The following DPP10 variants were observed in gnomAD, a reference collection of about 807,000 sequenced individuals.
DPP10 encodes inactive dipeptidyl peptidase 10.
Under a neutral mutation model 120.9 loss-of-function variants are expected in DPP10, and 33 were observed. That is an observed-to-expected ratio of 0.27 (90% CI 0.21 to 0.37). The LOEUF is 0.37. Ranked by LOEUF, DPP10 falls within the 10% of genes least tolerant of loss-of-function variation. DPP10 has a pLI of 1.00. For missense variants in DPP10, 816 were observed against 942.8 expected (o/e 0.87, Z 1.76); for synonymous variants, 337 against 326.1 (o/e 1.03, Z -0.36).
chr2:114,650,306 G>T (rs749227825), intron 1 of DPP10, among the ~76,000 whole-genome samples: 2 of 152,142 alleles, frequency 1.3e-5, no homozygotes, highest in Non-Finnish European at 2.9e-5. Flanking sequence ...TACCTTGAAG[G>T]GCAGGGATGC....
At chr2:115,616,780 A>G (rs1467823899) in intron 5 of DPP10, among the ~76,000 whole-genome samples, 1 of 151,916 alleles carries the variant, frequency 6.6e-6, no homozygotes, top group Non-Finnish European at 1.5e-5. Flanking sequence ...TTAATTTCTA[A>G]AAAATGCTGA....
intron 1 of DPP10, among the ~76,000 whole-genome samples, chr2:115,181,183 A>G (rs2054053558): frequency 2.0e-5 from 3 of 152,236 alleles, no homozygotes; most frequent in African/African-American, 7.2e-5. Flanking sequence ...ACTTAAAATG[A>G]ACAACTTTCA....
intron 1 of DPP10, among the ~76,000 whole-genome samples, chr2:114,595,578 G>T (rs914927660): frequency 2.0e-5 from 3 of 152,110 alleles, no homozygotes; most frequent in Non-Finnish European, 4.4e-5. Context: ...TAGTTTTCAT[G>T]TTTTGTAATA....
chr2:115,406,517 T>C (rs1173029974), intron 3 of DPP10, among the ~76,000 whole-genome samples: 4 of 152,154 alleles, frequency 2.6e-5, no homozygotes, highest in African/African-American at 9.7e-5. Flanking sequence ...AAGAGAAAGA[T>C]ATGACTATGT....
intron 1 of DPP10, among the ~76,000 whole-genome samples, chr2:114,564,684 A>G (rs1689064641): frequency 6.6e-6 from 1 of 152,142 alleles, no homozygotes; most frequent in Non-Finnish European, 1.5e-5. Context: ...AGAGGAGAAA[A>G]GGAAAAAAAA....
At chr2:115,505,702 A>T (rs2076904871) in intron 4 of DPP10, among the ~76,000 whole-genome samples, 1 of 152,170 alleles carries the variant, frequency 6.6e-6, no homozygotes, top group African/African-American at 2.4e-5. Context: ...CCAATTAGAA[A>T]TTTTTAAAAA....
intron 1 of DPP10, among the ~76,000 whole-genome samples, chr2:115,059,685 G>A (rs201589378): frequency 3.2e-4 from 37 of 116,296 alleles, no homozygotes; most frequent in East Asian, 5.0e-4. Context: ...ACCTCAACAG[G>A]AAAAAAAAAA....
chr2:114,830,865 A>T (rs1484189344), intron 1 of DPP10, among the ~76,000 whole-genome samples: 2 of 151,990 alleles, frequency 1.3e-5, no homozygotes. Context: ...AACCAAGTTG[A>T]TTAGTCATTT....
At chr2:115,812,963 C>CA (rs1276722156) in intron 19 of DPP10, among the ~76,000 whole-genome samples, 6 of 72,784 alleles carry the variant, frequency 8.2e-5, no homozygotes, top group Admixed American at 6.3e-4. Context: ...GACTGGATAT[C>CA]TTTTTTTTTT....
intron 1 of DPP10, among the ~76,000 whole-genome samples, chr2:114,568,161 G>T (rs551614106): frequency 1.8e-4 from 27 of 151,256 alleles, no homozygotes; most frequent in African/African-American, 6.6e-4. Context: ...CTTCCCCATA[G>T]TTTTTTTTCT....
At chr2:114,831,047 T>C (rs991314067) in intron 1 of DPP10, among the ~76,000 whole-genome samples, 12 of 142,060 alleles carry the variant, frequency 8.4e-5, no homozygotes, top group South Asian at 2.3e-4. Flanking sequence ...TTTTTTTTTT[T>C]TTTTTTTTTT....
At chr2:115,826,130 C>T (rs1688285622) in intron 21 of DPP10, among the ~76,000 whole-genome samples, 1 of 152,154 alleles carries the variant, frequency 6.6e-6, no homozygotes, top group Admixed American at 6.5e-5. Context: ...TAACCTCTTA[C>T]TCCTGCTTTC....
chr2:115,556,875 C>G (rs1575169457), intron 5 of DPP10, among the ~76,000 whole-genome samples: 2 of 152,174 alleles, frequency 1.3e-5, no homozygotes, highest in South Asian at 4.1e-4. Context: ...TTCTAGGATG[C>G]AAAGCTTGCA....
chr2:115,616,432 C>G (rs144024336), intron 5 of DPP10, among the ~76,000 whole-genome samples: 132 of 151,770 alleles, frequency 8.7e-4, no homozygotes, highest in African/African-American at 3.0e-3. Flanking sequence ...CCCAGTATCC[C>G]TACTCTAATC....
At chr2:114,838,128 C>T (rs1362538181) in intron 1 of DPP10, among the ~76,000 whole-genome samples, 1 of 152,088 alleles carries the variant, frequency 6.6e-6, no homozygotes, top group Admixed American at 6.6e-5. Flanking sequence ...AATAAAGGGC[C>T]AGATTGGTCT....
intron 1 of DPP10, among the ~76,000 whole-genome samples, chr2:114,754,078 G>T (rs1167708706): frequency 6.6e-6 from 1 of 152,166 alleles, no homozygotes; most frequent in Non-Finnish European, 1.5e-5. Flanking sequence ...AAAAATCGCA[G>T]TTCAAACTGG....
At chr2:115,603,760 A>G (rs1335682173) in intron 5 of DPP10, among the ~76,000 whole-genome samples, 1 of 152,146 alleles carries the variant, frequency 6.6e-6, no homozygotes, top group Non-Finnish European at 1.5e-5. Context: ...GAACAAATCC[A>G]GTCCACTGAC....
chr2:115,741,502 A>G (rs1677271605), intron 9 of DPP10, among the ~76,000 whole-genome samples: 1 of 152,020 alleles, frequency 6.6e-6, no homozygotes, highest in African/African-American at 2.4e-5. Context: ...GAAAACCTGA[A>G]AAGTTGCCCC....
chr2:115,079,181 C>A (rs1306201254), intron 1 of DPP10, among the ~76,000 whole-genome samples: 1 of 152,042 alleles, frequency 6.6e-6, no homozygotes, highest in Admixed American at 6.6e-5. Context: ...GAGATCGAGA[C>A]CATCCTGGCT....
Sources: gnomAD v4.1 joint callset for allele counts (sites outside exome capture counted in the v4.1 genomes callset) on GRCh38, gnomAD v4.1.1 for gene constraint, MANE v1.5 for transcripts, NCBI Gene and HGNC (gene_info 2026-07-23, HGNC 2026-07-21) for gene names.